The following PTPRB variants were observed in gnomAD, a reference collection of about 807,000 sequenced individuals.
PTPRB encodes protein tyrosine phosphatase receptor type B.
A neutral mutation model predicts 238.1 loss-of-function variants in PTPRB; 97 were observed. That is an observed-to-expected ratio of 0.41 (90% CI 0.35 to 0.48). PTPRB has a LOEUF of 0.48. Among genes scored for constraint, PTPRB ranks in the 20% least tolerant of loss-of-function variants. The pLI is 0.30. For missense variants in PTPRB, 2,292 were observed against 2,681.9 expected (o/e 0.85, Z 3.21); for synonymous variants, 970 against 995.4 (o/e 0.97, Z 0.48).
chr12:70,634,817 T>A (rs907757996), intron 2 of PTPRB, among the ~76,000 whole-genome samples: 1 of 152,266 alleles, frequency 6.6e-6, no homozygotes, highest in African/African-American at 2.4e-5. Context: ...CGTTTCTTGA[T>A]AACTTTTCCC....
At chr12:70,595,963 T>C in intron 5 of PTPRB, 86 bp downstream of exon 5, 1 of 1,236,580 alleles carries the variant, frequency 8.1e-7, no homozygotes, top group South Asian at 2.0e-5. Flanking sequence ...TGCTCTGGAG[T>C]AGCAATCTTA....
chr12:70,577,991 G>A (rs1355533223), intron 10 of PTPRB, among the ~76,000 whole-genome samples: 1 of 151,790 alleles, frequency 6.6e-6, no homozygotes, highest in Non-Finnish European at 1.5e-5. Context: ...AACTCATTAT[G>A]CTTGTTTTTA....
At position 70,539,841 on chromosome 12, in the gene PTPRB, G is replaced by A. The variant is rs1192246018; in HGVS notation, c.5682C>T (p.Asn1894=). Residue 1894 remains asparagine (N), a synonymous_variant, in exon 25 of 34, where the codon AAC becomes AAT. Transcript: ENST00000334414. ...CTCTCTCTTACCAAGAAGTTTTCCG[G>A]TTACTGTGAAGAGAAGCCAAAAGAG... ...SVHLNLGQKG[N]RKTSCPIKIN... is the part of the protein sequence containing the mutation. 2 of 1,589,034 alleles carry A rather than the reference G, an allele frequency of 1.3e-6. No individual in the cohort carries two copies. Among genetic ancestry groups the A allele is most frequent in the African/African-American group, 2.7e-5 (2 of 74,402 alleles).
intron 10 of PTPRB, among the ~76,000 whole-genome samples, chr12:70,578,641 A>C (rs555145689): frequency 3.3e-5 from 5 of 151,994 alleles, no homozygotes; most frequent in African/African-American, 1.2e-4. Context: ...TATAAATAAA[A>C]ATATAAATTA....
chr12:70,564,136 T>C (rs1054452423), intron 15 of PTPRB, among the ~76,000 whole-genome samples: 15 of 152,318 alleles, frequency 9.8e-5, no homozygotes, highest in African/African-American at 3.4e-4. Context: ...ACCCAAATAT[T>C]TGCATGACTT....
rs939209910 is a variant in PTPRB, at chr12:70,529,033, A to G, written c.6504+3002T>C. On this transcript the variant is annotated intron_variant, in intron 32 of 33. Transcript: ENST00000334414. ...AGGCAGGAGATTAGATTTGGGTAAC[A>G]TGAGCATGTACAGGAATGGAGAATA... 5.3e-5 allele frequency among the ~76,000 whole-genome samples: 8 copies of G among 152,168 alleles called. No individual in the cohort carries two copies. The South Asian group carries it at 1.7e-3, about 32-fold the overall frequency.
chr12:70,531,752 G>T (rs1873279779), intron 32 of PTPRB, among the ~76,000 whole-genome samples: 1 of 128,122 alleles, frequency 7.8e-6, no homozygotes, highest in South Asian at 2.5e-4. Flanking sequence ...GGAGGGAGTG[G>T]GGCTGGGGGA....
chr12:70,631,115 A>C (rs59679743), intron 2 of PTPRB, among the ~76,000 whole-genome samples: 2 of 152,108 alleles, frequency 1.3e-5, no homozygotes, highest in South Asian at 2.1e-4. Context: ...GAGCCCACAT[A>C]GCCAAGACAA....
chr12:70,559,252 T>C, intron 18 of PTPRB, 91 bp downstream of exon 18: 4 of 1,350,596 alleles, frequency 3.0e-6, no homozygotes, highest in South Asian at 2.4e-5. Flanking sequence ...TGTAAAAATA[T>C]GGATTTAATC....
intron 1 of PTPRB, among the ~76,000 whole-genome samples, chr12:70,636,518 TAAATTCAC>T (rs1250616962): frequency 4.6e-5 from 7 of 152,202 alleles, no homozygotes; most frequent in African/African-American, 1.7e-4. Context: ...TTCCAGTCTT[TAAATTCAC>T]ATTGCAGTAT....
At position 70,571,040 on chromosome 12, in the gene PTPRB, A is replaced by G. The variant is rs746042852; in HGVS notation, c.3356T>C (p.Ile1119Thr). The change falls in exon 13 of 34, where the codon ATT becomes ACT. Residue 1119 changes from isoleucine to threonine, a missense_variant. Ile to Thr is a moderately conservative substitution (Grantham distance 89, BLOSUM62 -1). Around this residue, in one of 4 missense-constraint regions of PTPRB, gnomAD observed 683 missense variants for 862.0 expected, o/e 0.79. Coordinates refer to ENST00000334414, the MANE Select transcript of PTPRB (RefSeq NM_001109754.4). The part of the protein sequence containing the change: ...ISGDVQQSAF[I>T]EGFTVPSAVK... ...TTTCACATTACCTGTGAAGCCCTCA[A>G]TGAAGGCTGACTGCTGTACATCCCC... 62 of 1,613,882 alleles carry G rather than the reference A, an allele frequency of 3.8e-5. No individual in the cohort carries two copies. Among genetic ancestry groups the G allele is most frequent in the Admixed American group, 6.7e-5 (4 of 60,006 alleles).
rs1469106986 is a variant in PTPRB, at chr12:70,560,813, A to T, written c.4290T>A (p.Asn1430Lys). 4 of 1,613,820 alleles carry T rather than the reference A, an allele frequency of 2.5e-6. No homozygotes were observed. Among genetic ancestry groups the T allele is most frequent in the African/African-American group, 1.3e-5 (1 of 74,900 alleles). ...CTTTCCAGTTTTCCTTCTTTGTGCC[A>T]TTGGGATTATAGAGAATCAGCTCAT... is the stretch of plus-strand genomic sequence containing the variant. ...DFYELILYNPNGTKKENWKDK... is the reference protein window; with the variant it reads ...DFYELILYNPKGTKKENWKDK... Residue 1430 changes from asparagine to lysine, a missense_variant, in exon 17 of 34, where the codon AAT becomes AAA. This residue lies in a region of PTPRB where 683 missense variants were observed against 862.0 expected (regional missense o/e 0.79). Coordinates refer to ENST00000334414, the MANE Select transcript of PTPRB (RefSeq NM_001109754.4). The surrounding 1 kb of genome is among the most constrained non-coding windows in gnomAD (Gnocchi z 4.2).
intron 3 of PTPRB, among the ~76,000 whole-genome samples, chr12:70,610,441 C>T (rs994342862): frequency 6.6e-6 from 1 of 150,718 alleles, no homozygotes; most frequent in Non-Finnish European, 1.5e-5. Context: ...CCCTATCTTC[C>T]TTCCTATCTT....
Position 70,560,641 on chromosome 12 carries a change from C to G in PTPRB, c.4432+30G>C. Reference sequence around the variant, plus strand: ...GTCTCTGGAAGCTACTTCCCACCATCCCTTGGCCATTGGCACCTGGGCTTC... The same window carrying G: ...GTCTCTGGAAGCTACTTCCCACCATGCCTTGGCCATTGGCACCTGGGCTTC... On this transcript the variant is annotated intron_variant, in intron 17 of 33. Transcript: ENST00000334414. The surrounding 1 kb of genome is among the most constrained non-coding windows in gnomAD (Gnocchi z 4.2). The G allele has an allele frequency of 6.2e-7, 1 of 1,609,876 alleles. No individual in the cohort carries two copies. Among genetic ancestry groups the G allele is most frequent in the Non-Finnish European group, 8.5e-7 (1 of 1,177,400 alleles).
chr12:70,524,889 ATATG>A (rs939859678), intron 32 of PTPRB, among the ~76,000 whole-genome samples: 2 of 95,014 alleles, frequency 2.1e-5, no homozygotes, highest in African/African-American at 2.8e-5. Context: ...ATATATGTAT[ATATG>A]TGTATATATG....
rs147778338 is a variant in PTPRB, at chr12:70,632,378, C to G, written c.451+3293G>C. ...CCACTCATAGGTGGAAATTGAACAA[C>G]GAGAACACTTGGACACAGGGCAGGA... On this transcript the variant is annotated intron_variant, in intron 2 of 33. Coordinates refer to ENST00000334414, the MANE Select transcript of PTPRB (RefSeq NM_001109754.4). Among the ~76,000 whole-genome samples, 155 of 151,632 alleles carry G rather than the reference C, an allele frequency of 1.0e-3. No homozygotes were observed. The East Asian group carries it at 0.021, about 21-fold the overall frequency.
chr12:70,592,180 G>T lies in PTPRB; in HGVS notation c.1780+102C>A, dbSNP rs910267154. ...TCAGTTACATAGGCTCCACTTCTCA[G>T]ATTGGGAAAGGAGTTTTCCTGCTGA... On this transcript the variant is annotated intron_variant, in intron 7 of 33. Coordinates refer to ENST00000334414, the MANE Select transcript of PTPRB (RefSeq NM_001109754.4). 2.6e-6 allele frequency: 4 copies of T among 1,513,246 alleles called. No homozygotes were observed. In the African/African-American group the frequency reaches 5.5e-5, roughly 21 times the overall value. 93.7% of individuals were successfully genotyped at this position (1,513,246 alleles called of 1,614,324 possible).
chr12:70,541,044 C>T (rs1875012339), intron 22 of PTPRB, 87 bp from the exon 23 acceptor site: 1 of 1,027,926 alleles, frequency 9.7e-7, no homozygotes, highest in Non-Finnish European at 1.4e-6. Flanking sequence ...GCCATATCTC[C>T]CAAGTAATGT....
chr12:70,555,035 G>T, intron 20 of PTPRB, 125 bp downstream of exon 20: 1 of 1,108,044 alleles, frequency 9.0e-7, no homozygotes, highest in Non-Finnish European at 1.3e-6. Flanking sequence ...AGAGAGAGGG[G>T]TGAATGATAC....
Sources: gnomAD v4.1 joint callset for allele counts (sites outside exome capture counted in the v4.1 genomes callset) on GRCh38, gnomAD v4.1.1 for gene constraint, gnomAD v4.1.1 regional missense constraint, Gnocchi (gnomAD v3.1) non-coding constraint, MANE v1.5 for transcripts, NCBI Gene and HGNC (gene_info 2026-07-23, HGNC 2026-07-21) for gene names.